The following ARHGAP15 variants were observed in gnomAD, a reference collection of about 807,000 sequenced individuals.
ARHGAP15 encodes rho GTPase-activating protein 15.
ARHGAP15 carries 51 observed loss-of-function variants against 63.7 expected under a neutral mutation model. The observed-to-expected ratio is 0.80, with a 90% CI of 0.64 to 1.01. The LOEUF (loss-of-function observed/expected upper bound fraction) is 1.01. Ranked by LOEUF, ARHGAP15 falls within the 50% of genes least tolerant of loss-of-function variation. The pLI, the probability that ARHGAP15 is intolerant of heterozygous loss-of-function variation, is 0.00. For synonymous variants in ARHGAP15, 191 were observed against 193.8 expected (o/e 0.99, Z 0.12); for missense variants, 560 against 564.6 (o/e 0.99, Z 0.08).
At chr2:143,667,432 AG>A (rs1364533886) in intron 12 of ARHGAP15, among the ~76,000 whole-genome samples, 5 of 68,300 alleles carry the variant, frequency 7.3e-5, no homozygotes, top group Admixed American at 2.1e-4. Context: ...GGGTCGGGGG[AG>A]GGGGGAGAGA....
chr2:143,400,535 C>G (rs764970026), intron 6 of ARHGAP15, among the ~76,000 whole-genome samples: 6 of 151,806 alleles, frequency 4.0e-5, no homozygotes, highest in African/African-American at 1.5e-4. Context: ...TAAAAATATG[C>G]AAGTGCCATG....
intron 8 of ARHGAP15, among the ~76,000 whole-genome samples, chr2:143,442,804 C>G (rs900969492): frequency 2.0e-5 from 3 of 151,850 alleles, no homozygotes; most frequent in Non-Finnish European, 4.4e-5. Context: ...TTGAAGTAAA[C>G]GCACATACCC....
Position 143,250,466 on chromosome 2 carries a change from A to G in ARHGAP15, c.385-45A>G, listed in dbSNP as rs763153539. On this transcript the variant is annotated intron_variant, in intron 5 of 13. Transcript: ENST00000295095. The stretch of plus-strand genomic sequence containing the variant: ...ACTCCTATTTCTCTGACATCTATCT[A>G]CAGTGTTGCATCCTCTTATTCTTAC... 1.3e-5 allele frequency: 18 copies of G among 1,408,944 alleles called. No individual in the cohort carries two copies. In the South Asian group the frequency reaches 2.0e-4, roughly 15 times the overall value. 87.3% of individuals were successfully genotyped at this position (1,408,944 alleles called of 1,614,324 possible).
intron 9 of ARHGAP15, among the ~76,000 whole-genome samples, chr2:143,488,141 C>G (rs980838374): frequency 6.6e-6 from 1 of 152,182 alleles, no homozygotes; most frequent in African/African-American, 2.4e-5. Flanking sequence ...ACCAGTCACT[C>G]ATTTTGACAT....
intron 12 of ARHGAP15, among the ~76,000 whole-genome samples, chr2:143,651,675 T>C (rs1035843140): frequency 6.6e-6 from 1 of 152,048 alleles, no homozygotes; most frequent in Admixed American, 6.6e-5. Context: ...TCATTTTTCA[T>C]TCCTACCAGC....
At chr2:143,501,229 A>G (rs1693040094) in intron 9 of ARHGAP15, among the ~76,000 whole-genome samples, 1 of 152,184 alleles carries the variant, frequency 6.6e-6, no homozygotes, top group Non-Finnish European at 1.5e-5. Context: ...AATTTGTACC[A>G]CCTCATACAT....
chr2:143,724,053 G>GTGTA (rs1685178347), intron 13 of ARHGAP15, among the ~76,000 whole-genome samples: 1 of 146,616 alleles, frequency 6.8e-6, no homozygotes, highest in Non-Finnish European at 1.5e-5. Context: ...CCACCTTCAT[G>GTGTA]TGTGTGTGTG....
chr2:143,188,529 A>G (rs933464967), intron 2 of ARHGAP15, among the ~76,000 whole-genome samples: 1 of 151,760 alleles, frequency 6.6e-6, no homozygotes, highest in Admixed American at 6.6e-5. Context: ...TAAAGGCTCT[A>G]TTGGCCTAAC....
At chr2:143,659,842 C>T (rs546896230) in intron 12 of ARHGAP15, among the ~76,000 whole-genome samples, 1 of 152,208 alleles carries the variant, frequency 6.6e-6, no homozygotes, top group African/African-American at 2.4e-5. Context: ...TTTCTGTGTT[C>T]TGCCCATTTC....
Position 143,604,962 on chromosome 2 carries a change from G to A in ARHGAP15, c.1004-19171G>A, listed in dbSNP as rs147987452. 7.5e-3 allele frequency among the ~76,000 whole-genome samples: 1,145 copies of A among 152,146 alleles called. 16 individuals carry two copies. Among genetic ancestry groups the A allele is most frequent in the African/African-American group, 0.026 (1,060 of 41,516 alleles). ...CTCACTCTGTCGCTCAGGCTGGAGG[G>A]CAATAGAGCAATCTCAGCTCACTGC... On this transcript the variant is annotated intron_variant, in intron 11 of 13. Coordinates refer to ENST00000295095, the MANE Select transcript of ARHGAP15 (RefSeq NM_018460.4).
At chr2:143,362,092 C>G (rs1686082975) in intron 6 of ARHGAP15, among the ~76,000 whole-genome samples, 1 of 152,096 alleles carries the variant, frequency 6.6e-6, no homozygotes, top group Non-Finnish European at 1.5e-5. Context: ...TCTACCTAGC[C>G]ACATTTCCTC....
chr2:143,466,329 CA>C (rs1389670461), intron 8 of ARHGAP15, among the ~76,000 whole-genome samples: 1 of 150,224 alleles, frequency 6.7e-6, no homozygotes, highest in African/African-American at 2.4e-5. Flanking sequence ...TTGTGAAAAT[CA>C]AGCCAATTTT....
intron 6 of ARHGAP15, among the ~76,000 whole-genome samples, chr2:143,393,746 A>C (rs1687640741): frequency 6.6e-6 from 1 of 151,654 alleles, no homozygotes; most frequent in Non-Finnish European, 1.5e-5. Context: ...AAAAAAAAAA[A>C]AAAAAAAAGT....
At chr2:143,439,345 C>T (rs1689760650) in intron 8 of ARHGAP15, among the ~76,000 whole-genome samples, 1 of 139,272 alleles carries the variant, frequency 7.2e-6, no homozygotes, top group South Asian at 2.3e-4. Context: ...ATTGCTTCAA[C>T]CCGGGAGGCG....
intron 5 of ARHGAP15, among the ~76,000 whole-genome samples, chr2:143,238,591 G>A (rs1693745211): frequency 1.3e-5 from 2 of 152,196 alleles, no homozygotes; most frequent in African/African-American, 4.8e-5. Context: ...TTACACTGTT[G>A]ATGGGAGTGT....
rs6733239 is a variant in ARHGAP15, at chr2:143,364,877, G to T, written c.475-70724G>T. Among the ~76,000 whole-genome samples, 316 of 152,236 alleles carry T rather than the reference G, an allele frequency of 2.1e-3. 1 individual carries two copies. The highest frequency in any genetic ancestry group is 7.2e-3 in the African/African-American group (301 of 41,546). ...AACAATTATCCAGGCATGGTAGCAG[G>T]TGCCTGTAATCCCAGCTACGCAGAA... On this transcript the variant is annotated intron_variant, in intron 6 of 13. Coordinates refer to ENST00000295095, the MANE Select transcript of ARHGAP15 (RefSeq NM_018460.4).
intron 6 of ARHGAP15, among the ~76,000 whole-genome samples, chr2:143,412,590 GTTC>G (rs1418069608): frequency 2.6e-5 from 4 of 152,110 alleles, no homozygotes; most frequent in South Asian, 2.1e-4. Context: ...TTTTTGGGGA[GTTC>G]TTCTAAGAAT....
At chr2:143,745,815 C>A (rs1303980940) in intron 13 of ARHGAP15, among the ~76,000 whole-genome samples, 1 of 152,126 alleles carries the variant, frequency 6.6e-6, no homozygotes, top group Non-Finnish European at 1.5e-5. Flanking sequence ...AATTCTTCTG[C>A]CCAACTGTCT....
chr2:143,673,771 TATATATATATATAA>T, intron 12 of ARHGAP15, among the ~76,000 whole-genome samples: 1 of 107,440 alleles, frequency 9.3e-6, no homozygotes, highest in South Asian at 3.5e-4. Context: ...TATATATATA[TATATATATATATAA>T]ACAACTCCTG....
Sources: allele counts gnomAD v4.1 joint callset (sites outside exome capture counted in the v4.1 genomes callset), GRCh38; gene constraint gnomAD v4.1.1; transcripts MANE v1.5; gene names NCBI Gene and HGNC (gene_info 2026-07-23, HGNC 2026-07-21).